Variants in SIL1 observed in about 807,000 individuals in gnomAD.
The protein encoded by SIL1 is SIL1 nucleotide exchange factor.
In SIL1, 40 loss-of-function variants were observed where a neutral mutation model predicts 49.1. The ratio of observed to expected loss-of-function variants is 0.81; its 90% confidence interval spans 0.63 to 1.06. SIL1 has a LOEUF of 1.06. Ranked by LOEUF, SIL1 falls within the 50% of genes least tolerant of loss-of-function variation. The pLI is 0.00. For synonymous variants in SIL1, 253 were observed against 250.8 expected (o/e 1.01, Z -0.08); for missense variants, 500 against 572.6 (o/e 0.87, Z 1.29).
chr5:138,966,125 T>C (rs561610471), intron 7 of SIL1, among the ~76,000 whole-genome samples: 1 of 152,130 alleles, frequency 6.6e-6, no homozygotes, highest in Admixed American at 6.5e-5. Context: ...GTACCTGGCA[T>C]GTAATTTTCA....
At chr5:138,964,112 G>T (rs1178705821) in intron 7 of SIL1, among the ~76,000 whole-genome samples, 13 of 152,194 alleles carry the variant, frequency 8.5e-5, no homozygotes, top group African/African-American at 3.1e-4. Context: ...TTTAAGAACT[G>T]GAGAAAAGTT....
intron 5 of SIL1, among the ~76,000 whole-genome samples, chr5:139,041,818 C>CAAAAAAAAAAAA (rs536666463): frequency 7.0e-5 from 6 of 86,314 alleles, no homozygotes; most frequent in African/African-American, 7.1e-5. Context: ...AACTCAAAAA[C>CAAAAAAAAAAAA]AAAAAAAAAA....
At chr5:139,158,681 A>G (rs921363075) in intron 1 of SIL1, among the ~76,000 whole-genome samples, 1 of 152,248 alleles carries the variant, frequency 6.6e-6, no homozygotes, top group African/African-American at 2.4e-5. Context: ...ATAAGGAGTA[A>G]GAAGAGAACA....
intron 3 of SIL1, among the ~76,000 whole-genome samples, chr5:139,088,378 A>G (rs1250840191): frequency 6.6e-6 from 1 of 152,218 alleles, no homozygotes; most frequent in East Asian, 1.9e-4. Context: ...CCCCATGGGA[A>G]CACATGCCCT....
chr5:139,143,265 ATATACACACATATG>A (rs1410045978), intron 1 of SIL1, among the ~76,000 whole-genome samples: 2 of 148,532 alleles, frequency 1.3e-5, no homozygotes, highest in Non-Finnish European at 3.0e-5. Context: ...ATAAACACAT[ATATACACACATATG>A]TATATACACA....
chr5:139,008,146 A>C (rs1252672833), intron 7 of SIL1, among the ~76,000 whole-genome samples: 4 of 151,190 alleles, frequency 2.6e-5, no homozygotes, highest in South Asian at 2.1e-4. Context: ...AGCTCCTGTT[A>C]TTGGTCTATT....
intron 1 of SIL1, among the ~76,000 whole-genome samples, chr5:139,150,765 G>A (rs186171561): frequency 4.6e-5 from 7 of 152,246 alleles, no homozygotes; most frequent in East Asian, 1.9e-4. Flanking sequence ...CGTGGGCTGC[G>A]GGGAAGGTCT....
chr5:139,055,576 A>G, intron 3 of SIL1, among the ~76,000 whole-genome samples: 1 of 148,712 alleles, frequency 6.7e-6, no homozygotes, highest in African/African-American at 2.5e-5. Context: ...TTGTCATGAA[A>G]AGAACATCAC....
chr5:138,988,925 G>T lies in SIL1; in HGVS notation c.767+32246C>A, dbSNP rs147954508. 4.0e-3 allele frequency among the ~76,000 whole-genome samples: 613 copies of T among 152,268 alleles called. 2 individuals are homozygous for T. Among genetic ancestry groups the T allele is most frequent in the African/African-American group, 0.013 (546 of 41,566 alleles). On this transcript the variant is annotated intron_variant, in intron 7 of 9. Coordinates refer to ENST00000394817, the MANE Select transcript of SIL1 (RefSeq NM_022464.5). ...AGTTAAACAGAAAAAGTAAATTACA[G>T]AATGATGAATCTACAGTAAACTGCC...
intron 2 of SIL1, among the ~76,000 whole-genome samples, chr5:139,124,914 C>T (rs186207840): frequency 2.2e-4 from 34 of 152,318 alleles, no homozygotes; most frequent in Non-Finnish European, 4.4e-5. Flanking sequence ...CCAGACCTGC[C>T]TGGCTCCAAA....
At chr5:138,971,933 T>A (rs1028262222) in intron 7 of SIL1, among the ~76,000 whole-genome samples, 1 of 152,110 alleles carries the variant, frequency 6.6e-6, no homozygotes, top group African/African-American at 2.4e-5. Context: ...ACAGGCTCAG[T>A]CATCTCTCTG....
intron 3 of SIL1, among the ~76,000 whole-genome samples, chr5:139,081,058 ACT>A (rs766704539): frequency 6.6e-6 from 1 of 152,174 alleles, no homozygotes; most frequent in Non-Finnish European, 1.5e-5. Context: ...AGCATTAACC[ACT>A]GTTATCGCAA....
intron 1 of SIL1, among the ~76,000 whole-genome samples, chr5:139,131,315 T>C (rs1750858410): frequency 6.6e-6 from 1 of 152,108 alleles, no homozygotes; most frequent in Admixed American, 6.5e-5. Flanking sequence ...CCTGCCACAT[T>C]CCTCCCTGCT....
At chr5:138,952,068 G>A (rs750822062) in intron 7 of SIL1, among the ~76,000 whole-genome samples, 184 bp from the exon 8 acceptor site, 11 of 152,160 alleles carry the variant, frequency 7.2e-5, no homozygotes, top group Non-Finnish European at 1.3e-4. Context: ...TGGGAACAGC[G>A]GCCCACAGCA....
intron 3 of SIL1, among the ~76,000 whole-genome samples, chr5:139,069,458 TAAAC>T (rs1769780716): frequency 6.6e-6 from 1 of 151,932 alleles, no homozygotes; most frequent in Admixed American, 6.6e-5. Flanking sequence ...AACAAACTAA[TAAAC>T]AATGAAGAAA....
chr5:139,108,427 A>G (rs943348178), intron 3 of SIL1, among the ~76,000 whole-genome samples: 1 of 152,212 alleles, frequency 6.6e-6, no homozygotes, highest in Admixed American at 6.5e-5. Flanking sequence ...GAAATATCCA[A>G]TGATGGGCAA....
intron 7 of SIL1, 169 bp downstream of exon 7, chr5:139,021,001 TG>T (rs1768512380): frequency 1.2e-6 from 1 of 845,372 alleles, no homozygotes; most frequent in Non-Finnish European, 1.9e-6. Flanking sequence ...GGTGACAACA[TG>T]GGTAAAAATT....
At chr5:139,121,796 T>C (rs1750646120) in intron 2 of SIL1, among the ~76,000 whole-genome samples, 1 of 152,116 alleles carries the variant, frequency 6.6e-6, no homozygotes, top group Non-Finnish European at 1.5e-5. Flanking sequence ...GATGCTCAGG[T>C]TGGAAACCAC....
intron 3 of SIL1, among the ~76,000 whole-genome samples, chr5:139,082,538 C>T (rs1428901077): frequency 6.6e-6 from 1 of 152,234 alleles, no homozygotes; most frequent in African/African-American, 2.4e-5. Flanking sequence ...CCCCGCAAAG[C>T]AGACATTATT....
Sources: allele counts gnomAD v4.1 joint callset (sites outside exome capture counted in the v4.1 genomes callset), GRCh38; gene constraint gnomAD v4.1.1; transcripts MANE v1.5; gene names NCBI Gene and HGNC (gene_info 2026-07-23, HGNC 2026-07-21).